GLRA2: variants seen among roughly 807,000 people sequenced by gnomAD.
GLRA2 encodes the protein glycine receptor alpha 2, also known as glycine receptor subunit alpha-2.
A neutral mutation model predicts 31.6 loss-of-function variants in GLRA2; 11 were observed. The ratio of observed to expected loss-of-function variants is 0.35; its 90% CI spans 0.22 to 0.58. GLRA2 has a LOEUF of 0.58. Ranked by LOEUF, GLRA2 falls within the 20% of genes least tolerant of loss-of-function variation. GLRA2 has a pLI of 0.84. For synonymous variants in GLRA2, 132 were observed against 134.0 expected, an observed-to-expected ratio of 0.99 and a Z score of 0.10; for missense variants, 212 against 351.8, an observed-to-expected ratio of 0.60 and a Z score of 3.18.
rs111921166 is a variant in GLRA2, at chrX:14,670,125, G to C, written c.931-20585G>C. ...CTAGGCCAGGGGCAAAATGCCTCCAGTCTCTTTGCTAAAACATAATAAGAG... is the reference window on the plus strand; with the variant it reads ...CTAGGCCAGGGGCAAAATGCCTCCACTCTCTTTGCTAAAACATAATAAGAG... On this transcript the variant is annotated intron_variant, in intron 7 of 8. Transcript: ENST00000218075. Among the ~76,000 whole-genome samples the C allele has an allele frequency of 3.5e-3, 395 of 111,911 alleles. 1 individual carries two copies. Among genetic ancestry groups the C allele is most frequent in the African/African-American group, 0.012 (382 of 30,825 alleles).
At chrX:14,639,609 T>C (rs1438034335) in intron 7 of GLRA2, among the ~76,000 whole-genome samples, 1 of 111,941 alleles carries the variant, frequency 8.9e-6, no homozygotes, top group East Asian at 2.8e-4. Context: ...TCTTCAGTTC[T>C]GTGCCCTGTG....
At chrX:14,507,521 A>C in the GLRA2 span, among the ~76,000 whole-genome samples, 11 of 110,202 alleles carry the variant, frequency 1.0e-4, no homozygotes, top group Non-Finnish European at 2.1e-4. Flanking sequence ...TGTGATGAAA[A>C]AGTACAGAAA....
At chrX:14,571,468 G>T (rs747032137) in intron 2 of GLRA2, among the ~76,000 whole-genome samples, 2 of 111,892 alleles carry the variant, frequency 1.8e-5, no homozygotes, top group South Asian at 7.5e-4. Flanking sequence ...ATATCACTAG[G>T]ATAATTGTAT....
intron 8 of GLRA2, among the ~76,000 whole-genome samples, chrX:14,728,361 C>A (rs751324097): frequency 9.0e-6 from 1 of 111,157 alleles, no homozygotes; most frequent in East Asian, 2.8e-4. Flanking sequence ...CCAGTTCACC[C>A]CAGCCTGGGC....
At chrX:14,581,934 G>A (rs1353325560) in intron 4 of GLRA2, among the ~76,000 whole-genome samples, 1 of 110,779 alleles carries the variant, frequency 9.0e-6, no homozygotes, top group Non-Finnish European at 1.9e-5. Flanking sequence ...TTGGACTTGG[G>A]CCTGGGACAG....
chrX:14,613,915 C>T (rs987937056), intron 7 of GLRA2, among the ~76,000 whole-genome samples: 2 of 111,610 alleles, frequency 1.8e-5, no homozygotes, highest in Non-Finnish European at 3.8e-5. Flanking sequence ...AATGTACAAA[C>T]GTGTATTTTT....
intron 4 of GLRA2, among the ~76,000 whole-genome samples, chrX:14,591,834 A>G (rs1266615225): frequency 8.9e-6 from 1 of 111,983 alleles, no homozygotes; most frequent in Non-Finnish European, 1.9e-5. Flanking sequence ...TGGACTAGCA[A>G]TAGCAACCAG....
At chrX:14,678,307 G>C (rs1314015978) in intron 7 of GLRA2, among the ~76,000 whole-genome samples, 1 of 112,523 alleles carries the variant, frequency 8.9e-6, no homozygotes, top group African/African-American at 3.2e-5. Flanking sequence ...AAGCAGATGT[G>C]TTTCAAAATG....
At chrX:14,497,991 T>G in the GLRA2 span, among the ~76,000 whole-genome samples, 99 of 111,621 alleles carry the variant, frequency 8.9e-4, 1 homozygote, top group South Asian at 0.01. Context: ...CACTGGCCAA[T>G]AGCTTATGCT....
intron 7 of GLRA2, among the ~76,000 whole-genome samples, chrX:14,671,886 A>G (rs149474467): frequency 1.2e-3 from 132 of 112,562 alleles, no homozygotes; most frequent in Non-Finnish European, 2.1e-3. Flanking sequence ...ACATTATCAG[A>G]TGATACTGAA....
chrX:14,654,266 C>T (rs1307987323), intron 7 of GLRA2, among the ~76,000 whole-genome samples: 1 of 112,024 alleles, frequency 8.9e-6, no homozygotes, highest in Non-Finnish European at 1.9e-5. Flanking sequence ...GATTACAACT[C>T]ACTGAAGGCT....
chrX:14,449,474 C>T, the GLRA2 span, among the ~76,000 whole-genome samples: 1 of 112,614 alleles, frequency 8.9e-6, no homozygotes, highest in Non-Finnish European at 1.9e-5. Context: ...GCCATAGGCA[C>T]CCATCCCCCA....
At chrX:14,592,209 G>T (rs1204518004) in intron 4 of GLRA2, among the ~76,000 whole-genome samples, 1 of 111,603 alleles carries the variant, frequency 9.0e-6, no homozygotes, top group Non-Finnish European at 1.9e-5. Flanking sequence ...GTCCCTTAGG[G>T]CTTGAGTCAG....
intron 2 of GLRA2, among the ~76,000 whole-genome samples, chrX:14,558,729 C>A (rs2089684234): frequency 8.9e-6 from 1 of 111,857 alleles, no homozygotes; most frequent in Admixed American, 9.5e-5. Flanking sequence ...GAGCAGTTGA[C>A]AACTGGTGGC....
the GLRA2 span, among the ~76,000 whole-genome samples, chrX:14,495,537 A>C: frequency 9.2e-5 from 10 of 109,177 alleles, no homozygotes; most frequent in African/African-American, 3.3e-4. Flanking sequence ...AGCACGGGGT[A>C]TATTTCTGAA....
chrX:14,630,839 G>A, intron 7 of GLRA2, among the ~76,000 whole-genome samples: 1 of 105,936 alleles, frequency 9.4e-6, no homozygotes. Flanking sequence ...TAAGTTCTAG[G>A]GTACATGTGC....
chrX:14,567,444 C>G (rs768363694), intron 2 of GLRA2, among the ~76,000 whole-genome samples: 8 of 111,992 alleles, frequency 7.1e-5, no homozygotes, highest in Non-Finnish European at 9.4e-5. Context: ...AATAGAAGAA[C>G]ACTTCCTCAA....
chrX:14,491,113 AAT>A, the GLRA2 span, among the ~76,000 whole-genome samples: 1 of 112,000 alleles, frequency 8.9e-6, no homozygotes, highest in South Asian at 3.7e-4. Context: ...GTCAGAAAAT[AAT>A]ATATTTCTAG....
chrX:14,490,948 C>G, the GLRA2 span, among the ~76,000 whole-genome samples: 3 of 111,947 alleles, frequency 2.7e-5, no homozygotes, highest in African/African-American at 9.7e-5. Flanking sequence ...CTAACAGCAT[C>G]TGACCAATTC....
Sources: gnomAD v4.1 joint callset for allele counts (sites outside exome capture counted in the v4.1 genomes callset) on GRCh38, gnomAD v4.1.1 for gene constraint, MANE v1.5 for transcripts, NCBI Gene and HGNC (gene_info 2026-07-23, HGNC 2026-07-21) for gene names.